FAF1: variants seen among roughly 807,000 people sequenced by gnomAD.
FAF1 encodes the protein FAS-associated factor 1.
FAF1 carries 25 observed loss-of-function variants against 92.5 expected under a neutral mutation model. The observed-to-expected ratio is 0.27, with a 90% CI of 0.20 to 0.38. The LOEUF is 0.38. Ranked by LOEUF, FAF1 falls within the 10% of genes least tolerant of loss-of-function variation. The pLI is 1.00. For missense variants in FAF1, 636 were observed against 793.3 expected (o/e 0.80, Z 2.38); for synonymous variants, 234 against 273.2 (o/e 0.86, Z 1.42).
intron 2 of FAF1, among the ~76,000 whole-genome samples, chr1:50,812,677 G>T (rs780765960): frequency 6.6e-6 from 1 of 152,092 alleles, no homozygotes; most frequent in Non-Finnish European, 1.5e-5. Flanking sequence ...ATTTCTCAAA[G>T]AACTTAAGAA....
intron 2 of FAF1, among the ~76,000 whole-genome samples, chr1:50,831,492 C>T (rs984590715): frequency 1.3e-5 from 2 of 152,096 alleles, no homozygotes; most frequent in Admixed American, 6.5e-5. Context: ...TCCTTAAGAG[C>T]AAAGAATATA....
At chr1:50,727,039 T>A (rs1658691234) in intron 6 of FAF1, among the ~76,000 whole-genome samples, 1 of 152,242 alleles carries the variant, frequency 6.6e-6, no homozygotes. Flanking sequence ...GCCTTAGGGC[T>A]TTGGCACTAG....
chr1:50,761,845 T>G (rs1368353011), intron 4 of FAF1, among the ~76,000 whole-genome samples: 5 of 152,082 alleles, frequency 3.3e-5, no homozygotes, highest in African/African-American at 1.2e-4. Flanking sequence ...CCAGGGCAAT[T>G]AGGCAGGAGA....
At chr1:50,620,482 T>G (rs988671543) in intron 8 of FAF1, among the ~76,000 whole-genome samples, 1 of 152,216 alleles carries the variant, frequency 6.6e-6, no homozygotes, top group Non-Finnish European at 1.5e-5. Context: ...ATTCCTTGGA[T>G]TGGGTTTCAA....
intron 2 of FAF1, among the ~76,000 whole-genome samples, chr1:50,833,662 C>T (rs1435700475): frequency 1.3e-5 from 2 of 152,044 alleles, no homozygotes; most frequent in Non-Finnish European, 2.9e-5. Flanking sequence ...TTCTTCCTGG[C>T]AACTAGCCCC....
chr1:50,566,539 TAGGAA>T (rs747532296), intron 13 of FAF1, among the ~76,000 whole-genome samples: 35 of 152,160 alleles, frequency 2.3e-4, no homozygotes, highest in Middle Eastern at 6.8e-3. Flanking sequence ...TCCTGACAAC[TAGGAA>T]AGGAATTTTT....
At chr1:50,883,828 G>T (rs547554215) in intron 1 of FAF1, among the ~76,000 whole-genome samples, 3 of 152,252 alleles carry the variant, frequency 2.0e-5, no homozygotes, top group African/African-American at 7.2e-5. Context: ...ACAGTATTGA[G>T]TATACGGGAA....
intron 8 of FAF1, among the ~76,000 whole-genome samples, chr1:50,597,750 A>T (rs937587079): frequency 6.6e-6 from 1 of 152,202 alleles, no homozygotes; most frequent in Non-Finnish European, 1.5e-5. Context: ...TCAATGATTG[A>T]AATATAAGGA....
chr1:50,796,229 C>G (rs932144648), intron 3 of FAF1, among the ~76,000 whole-genome samples: 3 of 151,202 alleles, frequency 2.0e-5, no homozygotes, highest in African/African-American at 7.4e-5. Flanking sequence ...ACACACACAC[C>G]CCTATCTTCT....
intron 1 of FAF1, among the ~76,000 whole-genome samples, chr1:50,925,156 T>C (rs1333182943): frequency 6.6e-6 from 1 of 152,172 alleles, no homozygotes; most frequent in East Asian, 1.9e-4. Flanking sequence ...GAAAAATGGA[T>C]AGTCATATGC....
intron 18 of FAF1, among the ~76,000 whole-genome samples, chr1:50,462,905 T>A (rs1440389349): frequency 6.6e-6 from 1 of 152,182 alleles, no homozygotes; most frequent in African/African-American, 2.4e-5. Context: ...GACATGAATA[T>A]CTTAAAAAAC....
chr1:50,648,972 A>G (rs1399217913), intron 8 of FAF1, among the ~76,000 whole-genome samples: 1 of 152,030 alleles, frequency 6.6e-6, no homozygotes, highest in Non-Finnish European at 1.5e-5. Flanking sequence ...TTTAGTAGAG[A>G]CAGGTTTCAA....
At chr1:50,896,826 A>G (rs1644761247) in intron 1 of FAF1, among the ~76,000 whole-genome samples, 1 of 152,202 alleles carries the variant, frequency 6.6e-6, no homozygotes, top group Admixed American at 6.5e-5. Flanking sequence ...ACAGAGTTTC[A>G]GTTTTGCTAG....
intron 2 of FAF1, among the ~76,000 whole-genome samples, chr1:50,827,540 C>T (rs905906627): frequency 3.9e-5 from 6 of 151,936 alleles, no homozygotes; most frequent in Admixed American, 6.6e-5. Flanking sequence ...CCTTTGTTCA[C>T]GTGTTTATCT....
intron 1 of FAF1, among the ~76,000 whole-genome samples, chr1:50,950,551 T>C (rs907555258): frequency 2.0e-5 from 3 of 152,224 alleles, no homozygotes; most frequent in Non-Finnish European, 2.9e-5. Flanking sequence ...AAATCCTTAT[T>C]TATAAAAACA....
chr1:50,852,333 G>A (rs1849553), intron 2 of FAF1, among the ~76,000 whole-genome samples: 34,863 of 152,094 alleles, frequency 0.23, 4,444 homozygotes, highest in Middle Eastern at 0.44. Flanking sequence ...CCAAACAATA[G>A]AGAAAGAACA....
intron 2 of FAF1, among the ~76,000 whole-genome samples, chr1:50,854,910 C>T (rs992644041): frequency 4.6e-5 from 7 of 150,904 alleles, no homozygotes; most frequent in Admixed American, 3.3e-4. Context: ...AGGAAATGCT[C>T]GATGGAACAT....
chr1:50,474,595 A>T (rs1224973298), intron 18 of FAF1, among the ~76,000 whole-genome samples: 2 of 152,020 alleles, frequency 1.3e-5, no homozygotes, highest in Admixed American at 1.3e-4. Context: ...CTAAAACAGG[A>T]GCTAGCTTTT....
At chr1:50,731,723 T>C (rs563154579) in intron 6 of FAF1, among the ~76,000 whole-genome samples, 3 of 152,234 alleles carry the variant, frequency 2.0e-5, no homozygotes, top group Admixed American at 6.5e-5. Context: ...CTAAGTATCA[T>C]TTTGGCTGTA....
Sources: allele counts gnomAD v4.1 joint callset (sites outside exome capture counted in the v4.1 genomes callset), GRCh38; gene constraint gnomAD v4.1.1; transcripts MANE v1.5; gene names NCBI Gene and HGNC (gene_info 2026-07-23, HGNC 2026-07-21).